Variants in ASIC3 observed in about 807,000 individuals in gnomAD.
ASIC3 encodes acid-sensing ion channel 3.
Under a neutral mutation model 58.6 loss-of-function variants are expected in ASIC3, and 46 were observed. The ratio of observed to expected loss-of-function variants is 0.79; its 90% confidence interval spans 0.62 to 1.00. ASIC3 has a LOEUF of 1.00. ASIC3 is among the 50% of genes least tolerant of loss of function. The probability of loss-of-function intolerance (pLI) is 0.00; values close to 1 mark genes in which losing one functional copy is unlikely to be tolerated. For missense variants in ASIC3, 770 were observed against 735.0 expected (o/e 1.05, Z -0.55); for synonymous variants, 336 against 300.2 (o/e 1.12, Z -1.23).
chr7:151,049,423 A>C lies in ASIC3; in HGVS notation c.534+4A>C. 6.4e-7 allele frequency: 1 copy of C among 1,573,244 alleles called. No homozygotes were observed. On this transcript the variant is annotated splice_donor_region_variant and intron_variant, in intron 1 of 10. Transcript: ENST00000349064. ...TGGGCCTGAGAACTTCACCACGGTG[A>C]GCTGACCTCCCTACCTATCCTGCCA...
chr7:151,050,533 G>A lies in ASIC3; in HGVS notation c.738G>A (p.Glu246=). 10 of 1,614,026 alleles carry A rather than the reference G, an allele frequency of 6.2e-6. No homozygotes were observed. Among genetic ancestry groups the A allele is most frequent in the Non-Finnish European group, 8.5e-6 (10 of 1,179,958 alleles). ...GAGTGCAGATCCACAGCCAGGAGGA[G>A]CCGCCCATCATCGATCAGCTGGGCT... The part of the protein sequence containing the change: ...GIRVQIHSQE[E]PPIIDQLGLG... The change falls in exon 3 of 11, where the codon GAG becomes GAA. Residue 246 remains glutamate, a synonymous_variant. Transcript: ENST00000349064.
chr7:151,051,355 G>C, intron 6 of ASIC3, 36 bp downstream of exon 6: 2 of 1,438,964 alleles, frequency 1.4e-6, no homozygotes, highest in Non-Finnish European at 1.8e-6. Context: ...CCTCCGAGCC[G>C]GGGGCTCCCG....
chr7:151,051,663 C>T (rs1218473687), intron 6 of ASIC3, 147 bp from the exon 7 acceptor site: 2 of 806,250 alleles, frequency 2.5e-6, no homozygotes, highest in Non-Finnish European at 4.0e-6. Flanking sequence ...CCTCATCCTC[C>T]CAAAGTGCAG....
Position 151,048,937 on chromosome 7 carries a change from C to A in ASIC3, c.52C>A (p.Arg18Ser). 1 of 1,578,370 alleles carries A rather than the reference C, an allele frequency of 6.3e-7. No homozygotes were observed. Among genetic ancestry groups the A allele is most frequent in the Non-Finnish European group, 8.6e-7 (1 of 1,158,608 alleles). Residue 18 changes from arginine to serine, a missense_variant, in exon 1 of 11, where the codon CGC (arginine) becomes AGC (serine). Coordinates refer to ENST00000349064, the MANE Select transcript of ASIC3 (RefSeq NM_004769.4). The stretch of plus-strand genomic sequence containing the variant: ...GGCCCGGCGGCCAGCCTCGGACATC[C>A]GCGTGTTCGCCAGCAACTGCTCGAT... ...EEARRPASDI[R>S]VFASNCSMHG...
At chr7:151,051,766 C>G in intron 6 of ASIC3, 44 bp from the exon 7 acceptor site, 1 of 1,596,584 alleles carries the variant, frequency 6.3e-7, no homozygotes, top group Non-Finnish European at 8.5e-7. Flanking sequence ...GCAGTGGGCA[C>G]CAGGCGGTGG....
Position 151,051,994 on chromosome 7 carries a change from G to A in ASIC3, c.1318G>A (p.Gly440Ser), listed in dbSNP as rs1370042040. ...CCCTGTCTCCACAGGTGACATTGGG[G>A]GCCAGATGGGGCTGTTCATCGGGGC... ...EMSELLGDIGGQMGLFIGASL... is the reference protein window; with the variant it reads ...EMSELLGDIGSQMGLFIGASL... Residue 440 changes from glycine (G) to serine (S), a missense_variant, in exon 8 of 11, where the codon GGC becomes AGC. Coordinates refer to ENST00000349064, the MANE Select transcript of ASIC3 (RefSeq NM_004769.4). 23 of 1,613,434 alleles carry A rather than the reference G, an allele frequency of 1.4e-5. No homozygotes were observed. The highest frequency in any genetic ancestry group is 1.8e-5 in the Non-Finnish European group (21 of 1,179,894).
intron 6 of ASIC3, among the ~76,000 whole-genome samples, chr7:151,051,522 TTTTCC>T (rs1158950225): frequency 6.6e-6 from 1 of 151,650 alleles, no homozygotes; most frequent in East Asian, 1.9e-4. Flanking sequence ...GTCTGTTTTT[TTTTCC>T]TTTCCTTTTA....
rs775684651 is a variant in ASIC3, at chr7:151,052,139, G to A, written c.1387-27G>A. The A allele has an allele frequency of 2.5e-6, 4 of 1,613,720 alleles. No homozygotes were observed. The African/African-American group carries it at 5.3e-5, about 22-fold the overall frequency. The stretch of plus-strand genomic sequence containing the variant: ...AGGATGAGGGGGAAGGTGTGCACTG[G>A]CCACCTCCCATCCTGCTTGCCTCCA... On this transcript the variant is annotated intron_variant, in intron 8 of 10. Transcript: ENST00000349064. This position sits in a 1 kb window ranked among gnomAD's most constrained non-coding sequence, Gnocchi z 5.0.
intron 1 of ASIC3, among the ~76,000 whole-genome samples, chr7:151,049,811 C>A (rs1330872084): frequency 6.6e-6 from 1 of 152,108 alleles, no homozygotes; most frequent in African/African-American, 2.4e-5. Flanking sequence ...ACTGCCAGCC[C>A]CGGAGGACAG....
Position 151,049,141 on chromosome 7 carries a change from T to C in ASIC3, c.256T>C (p.Phe86Leu), listed in dbSNP as rs778117224. ...TGAGCGAGAAAGCCACCGGCTCATC[T>C]TCCCGGCTGTCACCCTGTGCAACAT... ...LDERESHRLIFPAVTLCNINP... is the reference protein window; with the variant it reads ...LDERESHRLILPAVTLCNINP... The change falls in exon 1 of 11, where the codon TTC becomes CTC. Residue 86 changes from phenylalanine to leucine, a missense_variant. Physicochemically the swap from Phe to Leu is conservative, Grantham distance 22. Coordinates refer to ENST00000349064, the MANE Select transcript of ASIC3 (RefSeq NM_004769.4). 4 of 1,613,878 alleles carry C rather than the reference T, an allele frequency of 2.5e-6. No homozygotes were observed. Among genetic ancestry groups the C allele is most frequent in the Non-Finnish European group, 2.5e-6 (3 of 1,179,898 alleles).
Position 151,050,475 on chromosome 7 carries a change from C to G in ASIC3, c.686-6C>G, listed in dbSNP as rs369604091. The G allele has an allele frequency of 6.8e-6, 11 of 1,613,290 alleles. No individual in the cohort carries two copies. In the East Asian group the frequency reaches 2.0e-4, roughly 29 times the overall value. ...AGGTCAGGCCTCACAGGTCCCTCCC[C>G]GACAGAGGAGACCCCGTTTGAGGTG... On this transcript the variant is annotated splice_polypyrimidine_tract_variant and splice_region_variant and intron_variant, in intron 2 of 10. Coordinates refer to ENST00000349064, the MANE Select transcript of ASIC3 (RefSeq NM_004769.4).
chr7:151,049,254 C>A lies in ASIC3; in HGVS notation c.369C>A (p.Ala123=), dbSNP rs199876394. The A allele has an allele frequency of 1.9e-6, 3 of 1,612,012 alleles. No individual in the cohort carries two copies. In the South Asian group the frequency reaches 3.3e-5, roughly 18 times the overall value. ...ALLGLDPAEH[A]AFLRALGRPP... ...TGGGCCTGGATCCCGCAGAGCACGC[C>A]GCCTTCCTGCGCGCCCTGGGCCGGC... The change falls in exon 1 of 11, where the codon GCC becomes GCA. Residue 123 remains alanine (A), a synonymous_variant. Coordinates refer to ENST00000349064, the MANE Select transcript of ASIC3 (RefSeq NM_004769.4).
rs756481074 is a variant in ASIC3 at position 151,052,615 on chromosome 7, C to T, written c.1559C>T (p.Ala520Val). The T allele has an allele frequency of 1.2e-6, 2 of 1,614,086 alleles. No homozygotes were observed. Among genetic ancestry groups the T allele is most frequent in the South Asian group, 2.2e-5 (2 of 91,078 alleles). Residue 520 changes from alanine to valine, a missense_variant, in exon 11 of 11, where the codon GCC becomes GTC. Transcript: ENST00000349064. This position sits in a 1 kb window ranked among gnomAD's most constrained non-coding sequence, Gnocchi z 5.0. ...PPCAVTKTLS[A>V]SHRTCYLVTQ... ...TGTGCCGTCACCAAGACTCTCTCCG[C>T]CTCCCACCGCACCTGCTACCTTGTC... is the stretch of plus-strand genomic sequence containing the variant.
rs764493969 is a variant in ASIC3 at position 151,050,840 on chromosome 7, T to C, written c.896T>C (p.Leu299Pro). ...TATGAGCCAGAGCCCTCTGATCCCC[T>C]AGGCTCCCCCAGCCCCAGCCCCAGC... ...PNYEPEPSDP[L>P]GSPSPSPSPP... Residue 299 changes from leucine (L) to proline (P), a missense_variant, in exon 4 of 11, where the codon CTA (leucine) becomes CCA (proline). Physicochemically the swap from Leu to Pro is moderately conservative, Grantham distance 98 (BLOSUM62 -3). Coordinates refer to ENST00000349064, the MANE Select transcript of ASIC3 (RefSeq NM_004769.4). 1.2e-6 allele frequency: 2 copies of C among 1,613,214 alleles called. No individual in the cohort carries two copies. Among genetic ancestry groups the C allele is most frequent in the African/African-American group, 2.7e-5 (2 of 74,914 alleles).
In ASIC3 at chr7:151,051,299, C is replaced by G; in HGVS notation, c.1194C>G (p.Asn398Lys). Residue 398 changes from asparagine (N) to lysine (K), a missense_variant, in exon 6 of 11, where the codon AAC becomes AAG. Asn to Lys is a moderately conservative substitution (Grantham distance 94). Coordinates refer to ENST00000349064, the MANE Select transcript of ASIC3 (RefSeq NM_004769.4). Reference protein sequence around the residue: ...AAARFLARKLNRSEAYIAENV... With the variant: ...AAARFLARKLKRSEAYIAENV... ...CGCGCTTCCTGGCCCGGAAGCTCAA[C>G]CGCAGCGAGGCCTACATCGCGTGAG... 6.6e-7 allele frequency: 1 copy of G among 1,521,846 alleles called. No individual in the cohort carries two copies. The highest frequency in any genetic ancestry group is 1.4e-5 in the African/African-American group (1 of 70,698). The allele number at this position is 1,521,846 out of a possible 1,614,324, so 94.3% of individuals were successfully genotyped here.
In ASIC3 at chr7:151,050,242, T is replaced by G. The variant is rs1796735892; in HGVS notation, c.671T>G (p.Val224Gly). 6.2e-7 allele frequency: 1 copy of G among 1,613,002 alleles called. No individual in the cohort carries two copies. The highest frequency in any genetic ancestry group is 1.7e-5 in the Admixed American group (1 of 59,956). Reference protein sequence around the residue: ...LDVQQEEYLPVWRDNEETPFE... With the variant: ...LDVQQEEYLPGWRDNEETPFE... ...GTGCAGCAGGAGGAATATCTACCTG[T>G]GTGGAGGGACAATGGTAGGGAGCAC... Residue 224 changes from valine (V) to glycine (G), a missense_variant, in exon 2 of 11, where the codon GTG becomes GGG. Transcript: ENST00000349064.
Position 151,052,239 on chromosome 7 carries a change from T to C in ASIC3, c.1458+2T>C. 6.2e-7 allele frequency: 1 copy of C among 1,613,982 alleles called. No homozygotes were observed. Among genetic ancestry groups the C allele is most frequent in the Non-Finnish European group, 8.5e-7 (1 of 1,179,980 alleles). On this transcript the variant is annotated splice_donor_variant, in intron 9 of 10. Transcript: ENST00000349064. LOFTEE classifies it high-confidence loss of function. The surrounding 1 kb of genome is among the most constrained non-coding windows in gnomAD (Gnocchi z 5.0). ...CAAAGGCACTCCAGCACCAATCTGG[T>C]AACAGCCCCTCTTCTGGAGCCCTTG...
In ASIC3 at chr7:151,051,278, C is replaced by A. The variant is rs142443605; in HGVS notation, c.1173C>A (p.Arg391=). The A allele has an allele frequency of 2.0e-6, 3 of 1,526,948 alleles. No homozygotes were observed. The Admixed American group carries it at 6.0e-5, about 30-fold the overall frequency. The allele number at this position is 1,526,948 out of a possible 1,614,324, so 94.6% of individuals were successfully genotyped here. ...GGATCCCGAGCCGCGCCGCCGCGCG[C>A]TTCCTGGCCCGGAAGCTCAACCGCA... The part of the protein sequence containing the change: ...MVRIPSRAAA[R]FLARKLNRSE... The change falls in exon 6 of 11, where the codon CGC becomes CGA. Residue 391 remains arginine (R), a synonymous_variant. Coordinates refer to ENST00000349064, the MANE Select transcript of ASIC3 (RefSeq NM_004769.4).
chr7:151,050,274 G>A lies in ASIC3; in HGVS notation c.685+18G>A, dbSNP rs747968925. On this transcript the variant is annotated intron_variant, in intron 2 of 10. Transcript: ENST00000349064. Reference sequence around the variant, plus strand: ...GGACAATGGTAGGGAGCACACAAATGAGGCTGGGGGAGGGCACGGATGGAG... The same window carrying A: ...GGACAATGGTAGGGAGCACACAAATAAGGCTGGGGGAGGGCACGGATGGAG... 1.4e-5 allele frequency: 22 copies of A among 1,604,410 alleles called. No homozygotes were observed. The highest frequency in any genetic ancestry group is 1.8e-5 in the Non-Finnish European group (21 of 1,172,696).
Sources: allele counts gnomAD v4.1 joint callset (sites outside exome capture counted in the v4.1 genomes callset), GRCh38; gene constraint gnomAD v4.1.1; non-coding constraint Gnocchi (gnomAD v3.1); transcripts MANE v1.5; gene names NCBI Gene and HGNC (gene_info 2026-07-23, HGNC 2026-07-21).